ATP8A1: variants seen among roughly 807,000 people sequenced by gnomAD.
ATP8A1 encodes the protein phospholipid-transporting ATPase IA.
In ATP8A1, 90 loss-of-function variants were observed where a neutral mutation model predicts 177.7. That is an observed-to-expected ratio of 0.51 (90% CI 0.43 to 0.60). ATP8A1 has a LOEUF of 0.60. ATP8A1 is among the 20% of genes least tolerant of loss of function. The pLI is 0.00. For missense variants in ATP8A1, 1,072 were observed against 1,392.8 expected (o/e 0.77, Z 3.67); for synonymous variants, 493 against 485.9 (o/e 1.01, Z -0.19).
At chr4:42,622,239 G>A (rs930141943) in intron 4 of ATP8A1, among the ~76,000 whole-genome samples, 15 of 150,280 alleles carry the variant, frequency 1.0e-4, no homozygotes, top group Non-Finnish European at 1.5e-4. Context: ...AAAATTAGCC[G>A]GGAATGGTGG....
At chr4:42,416,823 T>C (rs945320834) in intron 35 of ATP8A1, among the ~76,000 whole-genome samples, 3 of 152,176 alleles carry the variant, frequency 2.0e-5, no homozygotes, top group African/African-American at 7.2e-5. Context: ...CTCCCACCTT[T>C]ACCCCCAAGA....
intron 24 of ATP8A1, among the ~76,000 whole-genome samples, chr4:42,488,933 T>C (rs1309048335): frequency 6.6e-6 from 1 of 152,204 alleles, no homozygotes; most frequent in African/African-American, 2.4e-5. Flanking sequence ...ATGAAATACA[T>C]ATTTATTGAA....
chr4:42,523,008 T>C (rs1318027141), intron 21 of ATP8A1, among the ~76,000 whole-genome samples: 1 of 152,088 alleles, frequency 6.6e-6, no homozygotes, highest in East Asian at 1.9e-4. Flanking sequence ...CCTGGTGGGG[T>C]CTACTGGGAA....
intron 1 of ATP8A1, among the ~76,000 whole-genome samples, chr4:42,641,913 G>C (rs1002974949): frequency 3.3e-5 from 5 of 152,092 alleles, no homozygotes; most frequent in African/African-American, 1.2e-4. Context: ...ATCTCAGAAT[G>C]AGTCAGTGGA....
intron 23 of ATP8A1, among the ~76,000 whole-genome samples, chr4:42,505,854 A>C (rs943040747): frequency 6.6e-6 from 1 of 152,218 alleles, no homozygotes; most frequent in Admixed American, 6.5e-5. Flanking sequence ...TATGATTACT[A>C]TCAAGAGGAT....
chr4:42,604,480 T>G (rs541588431), intron 5 of ATP8A1, among the ~76,000 whole-genome samples: 2 of 152,334 alleles, frequency 1.3e-5, no homozygotes, highest in East Asian at 3.9e-4. Context: ...ACTAATATTC[T>G]TATCTGTCAT....
intron 23 of ATP8A1, among the ~76,000 whole-genome samples, chr4:42,506,297 G>A (rs1724360640): frequency 6.6e-6 from 1 of 152,176 alleles, no homozygotes; most frequent in African/African-American, 2.4e-5. Context: ...AGGCCTCAGA[G>A]GGCTGCCTTG....
At chr4:42,590,572 C>T (rs1004695652) in intron 7 of ATP8A1, among the ~76,000 whole-genome samples, 2 of 152,110 alleles carry the variant, frequency 1.3e-5, no homozygotes, top group African/African-American at 2.4e-5. Flanking sequence ...TGTCATGCCT[C>T]TTAGACTCCT....
intron 20 of ATP8A1, among the ~76,000 whole-genome samples, chr4:42,528,092 T>G (rs1460998803): frequency 1.3e-5 from 2 of 152,162 alleles, no homozygotes; most frequent in Non-Finnish European, 2.9e-5. Flanking sequence ...TAGGGGTTTA[T>G]GGTGGTCAGG....
At chr4:42,505,157 C>T (rs1256882113) in intron 23 of ATP8A1, among the ~76,000 whole-genome samples, 5 of 152,162 alleles carry the variant, frequency 3.3e-5, no homozygotes, top group African/African-American at 1.2e-4. Flanking sequence ...AGTATCTGAG[C>T]TCCACAAGGG....
chr4:42,651,106 C>G (rs957839127), intron 1 of ATP8A1, among the ~76,000 whole-genome samples: 1 of 152,182 alleles, frequency 6.6e-6, no homozygotes, highest in African/African-American at 2.4e-5. Context: ...CACAAGCTCT[C>G]TCTGCCTGCT....
chr4:42,557,266 T>C (rs948668498), intron 15 of ATP8A1, among the ~76,000 whole-genome samples: 2 of 152,214 alleles, frequency 1.3e-5, no homozygotes, highest in Non-Finnish European at 2.9e-5. Context: ...ATTATCATTA[T>C]TTCTCTAATT....
At chr4:42,587,714 C>G (rs1733767412) in intron 8 of ATP8A1, among the ~76,000 whole-genome samples, 1 of 151,826 alleles carries the variant, frequency 6.6e-6, no homozygotes, top group Admixed American at 6.6e-5. Flanking sequence ...TCACGCCCTT[C>G]TCCTGCCTCA....
chr4:42,610,901 G>T (rs929079237), intron 5 of ATP8A1, among the ~76,000 whole-genome samples: 2 of 152,120 alleles, frequency 1.3e-5, no homozygotes, highest in African/African-American at 4.8e-5. Flanking sequence ...AGATGTGGGG[G>T]TACCTCCAGA....
At chr4:42,577,159 ATAT>A (rs1192264059) in intron 12 of ATP8A1, among the ~76,000 whole-genome samples, 1 of 152,212 alleles carries the variant, frequency 6.6e-6, no homozygotes, top group African/African-American at 2.4e-5. Context: ...TCTTTGAAAG[ATAT>A]TATTTTTGAA....
At chr4:42,624,405 A>G (rs1251578311) in intron 4 of ATP8A1, 131 bp downstream of exon 4, 5 of 477,608 alleles carry the variant, frequency 1.0e-5, no homozygotes, top group Non-Finnish European at 1.8e-5. Context: ...AACATATTCT[A>G]GACATTTTGA....
At chr4:42,413,465 C>G (rs992101401) in intron 36 of ATP8A1, among the ~76,000 whole-genome samples, 5 of 152,058 alleles carry the variant, frequency 3.3e-5, no homozygotes, top group Non-Finnish European at 7.4e-5. Context: ...ATGTACGGTC[C>G]CTTGGTATCT....
rs183270878 is a variant in ATP8A1 at position 42,417,440 on chromosome 4, C to A, written c.3306-2722G>T. ...TCTCTTATAGTCTTTCATTTACATA[C>A]CAAGCTATGTAAATTTTGAGTTTGT... On this transcript the variant is annotated intron_variant, in intron 35 of 36. Transcript: ENST00000381668. Among the ~76,000 whole-genome samples the A allele has an allele frequency of 4.2e-3, 638 of 152,046 alleles. 2 individuals carry two copies. Among genetic ancestry groups the A allele is most frequent in the Admixed American group, 8.2e-3 (125 of 15,268 alleles).
intron 25 of ATP8A1, among the ~76,000 whole-genome samples, chr4:42,484,023 T>A (rs567631284): frequency 6.6e-6 from 1 of 152,358 alleles, no homozygotes; most frequent in South Asian, 2.1e-4. Context: ...ATAACACTTG[T>A]GCTTTTGAGC....
Sources: gnomAD v4.1 joint callset for allele counts (sites outside exome capture counted in the v4.1 genomes callset) on GRCh38, gnomAD v4.1.1 for gene constraint, MANE v1.5 for transcripts, NCBI Gene and HGNC (gene_info 2026-07-23, HGNC 2026-07-21) for gene names.